The following PINX1 variants were observed in gnomAD, a reference collection of about 807,000 sequenced individuals.
The protein encoded by PINX1 is PIN2 (TERF1) interacting telomerase inhibitor 1, also known as PIN2/TERF1-interacting telomerase inhibitor 1.
Under a neutral mutation model 25.4 loss-of-function variants are expected in PINX1, and 34 were observed. The ratio of observed to expected loss-of-function variants is 1.34; its 90% CI spans 1.02 to 1.78. The LOEUF (loss-of-function observed/expected upper bound fraction) is 1.78. Ranked by LOEUF, PINX1 falls within the 40% of genes most tolerant of loss-of-function variation. PINX1 has a pLI of 0.00. For synonymous variants in PINX1, 197 were observed against 147.7 expected (o/e 1.33, Z -2.42); for missense variants, 592 against 404.9 (o/e 1.46, Z -3.97).
chr8:10,799,679 G>A (rs778420709), intron 6 of PINX1, among the ~76,000 whole-genome samples: 5 of 152,184 alleles, frequency 3.3e-5, no homozygotes, highest in African/African-American at 4.8e-5. Context: ...CTAAACTGGG[G>A]TGCAGTAGAC....
chr8:10,777,418 C>G (rs150834609), intron 6 of PINX1, among the ~76,000 whole-genome samples: 62 of 152,330 alleles, frequency 4.1e-4, no homozygotes, highest in Non-Finnish European at 7.2e-4. Context: ...AAAGGATGCA[C>G]TCTCGGCACC....
chr8:10,820,755 C>T (rs1797842894), intron 5 of PINX1, among the ~76,000 whole-genome samples: 1 of 152,178 alleles, frequency 6.6e-6, no homozygotes, highest in African/African-American at 2.4e-5. Flanking sequence ...ATTTGACACA[C>T]AGGATCTTAA....
intron 6 of PINX1, among the ~76,000 whole-genome samples, chr8:10,776,428 A>AATAC (rs1370639642): frequency 1.5e-5 from 2 of 130,854 alleles, no homozygotes; most frequent in East Asian, 1.9e-4. Flanking sequence ...CCGCTCAATA[A>AATAC]ATAAATAAAT....
rs567134374 is a variant in PINX1, at chr8:10,765,659, G to A, written c.729C>T (p.Ala243=). 7.6e-5 allele frequency: 123 copies of A among 1,613,978 alleles called. No individual in the cohort carries two copies. In the East Asian group the frequency reaches 1.1e-3, roughly 15 times the overall value. ...KRHTEGKPER[A]EAQERVAKKK... ...TCTTGGCCACTCGCTCCTGGGCCTC[G>A]GCCCTCTCGGGCTTTCCCTCCGTGT... Residue 243 remains alanine, a synonymous_variant, in exon 7 of 7, where the codon GCC becomes GCT. Coordinates refer to ENST00000314787, the MANE Select transcript of PINX1 (RefSeq NM_017884.6).
chr8:10,807,207 C>T (rs113243118), intron 6 of PINX1, among the ~76,000 whole-genome samples: 2 of 151,632 alleles, frequency 1.3e-5, no homozygotes, highest in African/African-American at 2.4e-5. Flanking sequence ...AAGAACAGGA[C>T]ATTATTAAAA....
At chr8:10,831,129 T>C (rs1324749979) in intron 4 of PINX1, among the ~76,000 whole-genome samples, 1 of 151,620 alleles carries the variant, frequency 6.6e-6, no homozygotes, top group Non-Finnish European at 1.5e-5. Context: ...AGAATGAGAG[T>C]TTTTCATTTG....
chr8:10,806,125 ACT>A (rs1234749894), intron 6 of PINX1, among the ~76,000 whole-genome samples: 1 of 112,354 alleles, frequency 8.9e-6, no homozygotes, highest in African/African-American at 4.2e-5. Flanking sequence ...AAGGGGCCAC[ACT>A]AGTGCTGAGG....
chr8:10,827,125 G>A (rs1000359312), intron 4 of PINX1, among the ~76,000 whole-genome samples: 15 of 152,228 alleles, frequency 9.9e-5, no homozygotes, highest in Non-Finnish European at 1.8e-4. Context: ...GGGGAAAGAC[G>A]TTCAGGACTC....
At chr8:10,819,984 A>T (rs922907466) in intron 6 of PINX1, among the ~76,000 whole-genome samples, 2 of 152,142 alleles carry the variant, frequency 1.3e-5, no homozygotes, top group African/African-American at 4.8e-5. Flanking sequence ...ACCAGAAAAC[A>T]CTTATTCTTT....
At chr8:10,781,534 A>G (rs1801585729) in intron 6 of PINX1, among the ~76,000 whole-genome samples, 1 of 152,240 alleles carries the variant, frequency 6.6e-6, no homozygotes, top group Non-Finnish European at 1.5e-5. Context: ...AAAAATGGGC[A>G]AAGATGCTGG....
At chr8:10,835,050 C>G (rs899987008) in intron 1 of PINX1, among the ~76,000 whole-genome samples, 2 of 152,192 alleles carry the variant, frequency 1.3e-5, no homozygotes, top group African/African-American at 4.8e-5. Flanking sequence ...GCTCAATATA[C>G]TAGAGCTGGG....
At chr8:10,817,014 C>A (rs1241570070) in intron 6 of PINX1, among the ~76,000 whole-genome samples, 1 of 152,168 alleles carries the variant, frequency 6.6e-6, no homozygotes, top group Non-Finnish European at 1.5e-5. Flanking sequence ...TGGAATTCTA[C>A]GATGGCAGTC....
chr8:10,776,739 G>A (rs1358424961), intron 6 of PINX1, among the ~76,000 whole-genome samples: 3 of 152,120 alleles, frequency 2.0e-5, no homozygotes, highest in South Asian at 2.1e-4. Context: ...AGCAAGGGAT[G>A]GGATGGTGCT....
intron 6 of PINX1, among the ~76,000 whole-genome samples, chr8:10,776,671 G>C (rs1382171300): frequency 6.6e-6 from 1 of 152,044 alleles, no homozygotes; most frequent in African/African-American, 2.4e-5. Context: ...ATGACCTCAG[G>C]CTGCCCACTC....
chr8:10,766,496 G>A (rs966980947), intron 6 of PINX1, among the ~76,000 whole-genome samples: 32 of 152,196 alleles, frequency 2.1e-4, no homozygotes, highest in African/African-American at 7.5e-4. Context: ...GAGCGTGGCC[G>A]CTCTGGCAGC....
At chr8:10,807,438 CAG>C (rs1802489177) in intron 6 of PINX1, among the ~76,000 whole-genome samples, 1 of 146,762 alleles carries the variant, frequency 6.8e-6, no homozygotes. Context: ...CCTGACAAAA[CAG>C]AGGGGAAAAA....
intron 5 of PINX1, 145 bp from the exon 6 acceptor site, chr8:10,820,414 T>C (rs1033737469): frequency 2.9e-6 from 2 of 687,638 alleles, no homozygotes; most frequent in African/African-American, 3.5e-5. Flanking sequence ...TACCCACTTT[T>C]TCATTACAAC....
intron 6 of PINX1, among the ~76,000 whole-genome samples, chr8:10,794,628 T>C (rs1106740): frequency 0.16 from 24,355 of 152,080 alleles, 2,444 homozygotes; most frequent in Non-Finnish European, 0.23. Context: ...GGTTTCACCA[T>C]GTTGACCAGG....
intron 1 of PINX1, among the ~76,000 whole-genome samples, chr8:10,839,146 G>T (rs1295494103): frequency 6.6e-6 from 1 of 152,192 alleles, no homozygotes; most frequent in Non-Finnish European, 1.5e-5. Flanking sequence ...ACCAAGTGAA[G>T]ATAAATGTCA....
Sources: allele counts gnomAD v4.1 joint callset (sites outside exome capture counted in the v4.1 genomes callset), GRCh38; gene constraint gnomAD v4.1.1; transcripts MANE v1.5; gene names NCBI Gene and HGNC (gene_info 2026-07-23, HGNC 2026-07-21).